The following RHOBTB2 variants were observed in gnomAD, a reference collection of about 807,000 sequenced individuals.
The protein encoded by RHOBTB2 is rho-related BTB domain-containing protein 2.
A neutral mutation model predicts 66.5 loss-of-function variants in RHOBTB2; 39 were observed. That is an observed-to-expected ratio of 0.59 (90% CI 0.45 to 0.77). RHOBTB2 has a LOEUF of 0.77. Ranked by LOEUF, RHOBTB2 falls within the 30% of genes least tolerant of loss-of-function variation. The probability of loss-of-function intolerance (pLI) is 0.00; values close to 1 mark genes in which losing one functional copy is unlikely to be tolerated. For synonymous variants in RHOBTB2, 390 were observed against 395.0 expected, an observed-to-expected ratio of 0.99 and a Z score of 0.15; for missense variants, 755 against 999.1, an observed-to-expected ratio of 0.76 and a Z score of 3.29.
At chr8:22,999,252 CAGGGTGCACT>C (rs1217806264), upstream of RHOBTB2, 1 of 153,378 alleles carries the variant, frequency 6.5e-6, no homozygotes, top group Non-Finnish European at 1.5e-5. Context: ...GCATCCCTTC[CAGGGTGCACT>C]AGGATGCCTC....
chr8:23,018,392 CAACA>C lies in RHOBTB2; in HGVS notation c.*928_*931del, dbSNP rs200039666. 0.012 allele frequency: 1,798 copies of C among 152,796 alleles called. 68 individuals carry two copies. The highest frequency in any genetic ancestry group is 0.079 in the Admixed American group (1,202 of 15,312). 9.5% of individuals were successfully genotyped at this position (152,796 alleles called of 1,614,324 possible). ...CCAAACTGAAACCGAAACGAAAAAT[CAACA>C]AACACTCTGTCCTCTATCCCTCCAA... On this transcript the variant is annotated 3_prime_UTR_variant, in exon 10 of 10. Coordinates refer to ENST00000251822, the MANE Select transcript of RHOBTB2 (RefSeq NM_015178.3).
chr8:22,997,942 T>C (rs1810622192), upstream of RHOBTB2, among the ~76,000 whole-genome samples: 1 of 152,260 alleles, frequency 6.6e-6, no homozygotes, highest in East Asian at 1.9e-4. Context: ...GAGCATGGTT[T>C]ACTTTCTCTC....
rs915116628 is a variant in RHOBTB2, at chr8:23,018,399, C to T, written c.*930C>T. ...GAAACCGAAACGAAAAATCAACAAACACTCTGTCCTCTATCCCTCCAAAGA... is the reference window on the plus strand; with the variant it reads ...GAAACCGAAACGAAAAATCAACAAATACTCTGTCCTCTATCCCTCCAAAGA... On this transcript the variant is annotated 3_prime_UTR_variant, in exon 10 of 10. Coordinates refer to ENST00000251822, the MANE Select transcript of RHOBTB2 (RefSeq NM_015178.3). 2.0e-5 allele frequency: 3 copies of T among 152,672 alleles called. No individual in the cohort carries two copies. The highest frequency in any genetic ancestry group is 2.9e-5 in the Non-Finnish European group (2 of 68,076). The allele number at this position is 152,672 out of a possible 1,614,324, so 9.5% of individuals were successfully genotyped here. A position where few individuals can be genotyped will look rare whatever the true frequency, so the allele number is the denominator to read the frequency against.
chr8:22,964,088 TTTTTTG>T, the RHOBTB2 span, among the ~76,000 whole-genome samples: 1 of 152,130 alleles, frequency 6.6e-6, no homozygotes, highest in African/African-American at 2.4e-5. Flanking sequence ...GCCTCCTGTT[TTTTTTG>T]TTTTTGTTTT....
the RHOBTB2 span, among the ~76,000 whole-genome samples, chr8:22,967,361 C>A: frequency 6.6e-6 from 1 of 152,044 alleles, no homozygotes; most frequent in Non-Finnish European, 1.5e-5. Context: ...GTAATCCCAG[C>A]ACTTTGGGAG....
chr8:22,961,027 G>A, the RHOBTB2 span, among the ~76,000 whole-genome samples: 4 of 152,102 alleles, frequency 2.6e-5, no homozygotes, highest in South Asian at 4.1e-4. Context: ...GAATGCTTCT[G>A]TACCTGAGTC....
In RHOBTB2 at chr8:22,999,869, C is replaced by G; in HGVS notation, c.-247C>G. ...GATGCTGATCCGGAAGGGGCAGCGG[C>G]TGCAGTGCAGCGCGCGCGTCCGCTC... On this transcript the variant is annotated 5_prime_UTR_variant, in exon 1 of 10. Transcript: ENST00000251822. 1 of 985,050 alleles carries G rather than the reference C, an allele frequency of 1.0e-6. No homozygotes were observed. Among genetic ancestry groups the G allele is most frequent in the Non-Finnish European group, 1.2e-6 (1 of 829,846 alleles). The allele number at this position is 985,050 out of a possible 1,614,324, so 61.0% of individuals were successfully genotyped here. A position where few individuals can be genotyped will look rare whatever the true frequency, so the allele number is the denominator to read the frequency against.
Position 23,004,734 on chromosome 8 carries a change from G to T in RHOBTB2, c.192+108G>T, listed in dbSNP as rs886461338. The T allele has an allele frequency of 9.0e-7, 1 of 1,112,536 alleles. No homozygotes were observed. Among genetic ancestry groups the T allele is most frequent in the African/African-American group, 1.5e-5 (1 of 64,712 alleles). The allele number at this position is 1,112,536 out of a possible 1,614,324, so 68.9% of individuals were successfully genotyped here. On this transcript the variant is annotated intron_variant, in intron 2 of 9. Coordinates refer to ENST00000251822, the MANE Select transcript of RHOBTB2 (RefSeq NM_015178.3). The surrounding 1 kb of genome is among the most constrained non-coding windows in gnomAD (Gnocchi z 6.4). ...CAGAGCTCACGGGAGCCCTCTAGGGGTGGGACAGGATGGGTTGGGGGCAGC... is the reference window on the plus strand; with the variant it reads ...CAGAGCTCACGGGAGCCCTCTAGGGTTGGGACAGGATGGGTTGGGGGCAGC...
Position 23,019,612 on chromosome 8 carries a change from G to C in RHOBTB2, c.*2143G>C, listed in dbSNP as rs900988017. The C allele has an allele frequency of 6.5e-6, 1 of 152,678 alleles. No homozygotes were observed. The highest frequency in any genetic ancestry group is 1.5e-5 in the Non-Finnish European group (1 of 68,412). 9.5% of individuals were successfully genotyped at this position (152,678 alleles called of 1,614,324 possible). On this transcript the variant is annotated 3_prime_UTR_variant, in exon 10 of 10. Transcript: ENST00000251822. ...CGGGTCCTCCAGGGCAAGGGGAACGGGAAATAGGTCTCCTAGGTGCCTGAA... is the reference window on the plus strand; with the variant it reads ...CGGGTCCTCCAGGGCAAGGGGAACGCGAAATAGGTCTCCTAGGTGCCTGAA...
rs767395052 is a variant in RHOBTB2, at chr8:23,006,795, C to T, written c.550C>T (p.Pro184Ser). Reference sequence around the variant, plus strand: ...GGAGGTGGCCAAGGAGCTGGGCATCCCCTACTATGAGACCAGCGTGGTGGC... The same window carrying T: ...GGAGGTGGCCAAGGAGCTGGGCATCTCCTACTATGAGACCAGCGTGGTGGC... ...GREVAKELGI[P>S]YYETSVVAQF... The change falls in exon 5 of 10, where the codon CCC (proline) becomes TCC (serine). Residue 184 changes from proline (P) to serine (S), a missense_variant. Physicochemically the swap from Pro to Ser is moderately conservative, Grantham distance 74 (BLOSUM62 -1). Coordinates refer to ENST00000251822, the MANE Select transcript of RHOBTB2 (RefSeq NM_015178.3). The surrounding 1 kb of genome is among the most constrained non-coding windows in gnomAD (Gnocchi z 6.1). 16 of 1,614,010 alleles carry T rather than the reference C, an allele frequency of 9.9e-6. No individual in the cohort carries two copies. The Admixed American group carries it at 2.7e-4, about 27-fold the overall frequency.
At chr8:23,010,829 C>A in intron 7 of RHOBTB2, 141 bp downstream of exon 7, 1 of 963,428 alleles carries the variant, frequency 1.0e-6, no homozygotes. Context: ...AATCTGTTGA[C>A]GGGCACAGAG....
the RHOBTB2 span, among the ~76,000 whole-genome samples, chr8:22,981,925 G>A: frequency 2.6e-5 from 4 of 152,050 alleles, no homozygotes; most frequent in African/African-American, 9.7e-5. Flanking sequence ...TTACACTCAG[G>A]TGCAACTGGC....
At chr8:22,990,444 C>T (rs779926033) in intron 1 of RHOBTB2, among the ~76,000 whole-genome samples, 42 of 152,304 alleles carry the variant, frequency 2.8e-4, no homozygotes, top group Non-Finnish European at 4.7e-4. Context: ...ACCTCCTAGT[C>T]CCCGGCTCTC....
Position 23,017,901 on chromosome 8 carries a change from C to T in RHOBTB2, c.*432C>T, listed in dbSNP as rs1034685513. 1.1e-5 allele frequency: 2 copies of T among 179,714 alleles called. No individual in the cohort carries two copies. Among genetic ancestry groups the T allele is most frequent in the Admixed American group, 5.4e-5 (1 of 18,488 alleles). The allele number at this position is 179,714 out of a possible 1,614,324, so 11.1% of individuals were successfully genotyped here. ...CCTGTTGGCCATATCTTTCCACCGA[C>T]GGACTTGAGTGTTGCATTTGTTTTG... On this transcript the variant is annotated 3_prime_UTR_variant, in exon 10 of 10. Coordinates refer to ENST00000251822, the MANE Select transcript of RHOBTB2 (RefSeq NM_015178.3). This position sits in a 1 kb window ranked among gnomAD's most constrained non-coding sequence, Gnocchi z 5.3.
the RHOBTB2 span, among the ~76,000 whole-genome samples, chr8:22,958,292 C>A: frequency 1.3e-5 from 2 of 152,150 alleles, no homozygotes; most frequent in African/African-American, 4.8e-5. Flanking sequence ...AGATGAGCTA[C>A]ATAAGTTAGT....
In RHOBTB2 at chr8:23,006,077, G is replaced by A. The variant is rs1364985625; in HGVS notation, c.414G>A (p.Val138=). The A allele has an allele frequency of 1.9e-6, 3 of 1,614,052 alleles. No homozygotes were observed. Among genetic ancestry groups the A allele is most frequent in the Non-Finnish European group, 2.5e-6 (3 of 1,180,032 alleles). Residue 138 remains valine (V), a synonymous_variant, in exon 4 of 10, where the codon GTG becomes GTA. Transcript: ENST00000251822. This position sits in a 1 kb window ranked among gnomAD's most constrained non-coding sequence, Gnocchi z 6.1. ...HFCPRAPVIL[V]GCQLDLRYAD... The stretch of plus-strand genomic sequence containing the variant: ...GCCCCCGAGCACCTGTCATCTTGGT[G>A]GGCTGCCAGTTGGACCTGCGCTACG...
Position 22,999,765 on chromosome 8 carries a change from G to A in RHOBTB2, c.-351G>A. The A allele has an allele frequency of 3.0e-6, 3 of 986,336 alleles. No homozygotes were observed. The highest frequency in any genetic ancestry group is 3.6e-6 in the Non-Finnish European group (3 of 832,388). The allele number at this position is 986,336 out of a possible 1,614,324, so 61.1% of individuals were successfully genotyped here. On this transcript the variant is annotated 5_prime_UTR_variant, in exon 1 of 10. Coordinates refer to ENST00000251822, the MANE Select transcript of RHOBTB2 (RefSeq NM_015178.3). ...CGGCGGCGGCCTCGCCCCTCTCCCG[G>A]CGCCCCTGCGCGCCGCCCGCTGCCT...
Position 23,019,095 on chromosome 8 carries a change from G to C in RHOBTB2, c.*1626G>C, listed in dbSNP as rs934214142. 6.6e-6 allele frequency: 1 copy of C among 152,380 alleles called. No homozygotes were observed. The highest frequency in any genetic ancestry group is 2.4e-5 in the African/African-American group (1 of 41,452). 9.4% of individuals were successfully genotyped at this position (152,380 alleles called of 1,614,324 possible). A position where few individuals can be genotyped will look rare whatever the true frequency, so the allele number is the denominator to read the frequency against. ...GAGGGGCAGAGCCAGGAGGCAGTGGGGCTGTGGGCTCAGAGCTCAGGAGTC... is the reference window on the plus strand; with the variant it reads ...GAGGGGCAGAGCCAGGAGGCAGTGGCGCTGTGGGCTCAGAGCTCAGGAGTC... On this transcript the variant is annotated 3_prime_UTR_variant, in exon 10 of 10. Transcript: ENST00000251822.
chr8:22,981,567 C>T, the RHOBTB2 span, among the ~76,000 whole-genome samples: 4 of 152,104 alleles, frequency 2.6e-5, no homozygotes, highest in African/African-American at 9.7e-5. Context: ...GTCCTTGCCT[C>T]GAATTAGGGA....
Sources: allele counts gnomAD v4.1 joint callset (sites outside exome capture counted in the v4.1 genomes callset), GRCh38; gene constraint gnomAD v4.1.1; non-coding constraint Gnocchi (gnomAD v3.1); transcripts MANE v1.5; gene names NCBI Gene and HGNC (gene_info 2026-07-23, HGNC 2026-07-21).